The following PLA2G4E variants were observed in gnomAD, a reference collection of about 807,000 sequenced individuals.
PLA2G4E encodes phospholipase A2 group IVE.
A neutral mutation model predicts 109.1 loss-of-function variants in PLA2G4E; 84 were observed. The observed-to-expected ratio is 0.77, with a 90% CI of 0.65 to 0.92. The LOEUF is 0.92. Ranked by LOEUF, PLA2G4E falls within the 40% of genes least tolerant of loss-of-function variation. The pLI, the probability that PLA2G4E is intolerant of heterozygous loss-of-function variation, is 0.00. For synonymous variants in PLA2G4E, 469 were observed against 436.1 expected (o/e 1.08, Z -0.94); for missense variants, 1,057 against 1,076.6 (o/e 0.98, Z 0.25).
At chr15:42,007,962 A>T in intron 2 of PLA2G4E, 97 bp from the exon 3 acceptor site, 1 of 1,341,726 alleles carries the variant, frequency 7.5e-7, no homozygotes, top group Non-Finnish European at 1.0e-6. Flanking sequence ...GCCAGGCCCC[A>T]TCTCAGCTCC....
intron 1 of PLA2G4E, among the ~76,000 whole-genome samples, chr15:42,047,415 A>G (rs1889433810): frequency 6.6e-6 from 1 of 152,134 alleles, no homozygotes; most frequent in Non-Finnish European, 1.5e-5. Flanking sequence ...AACAGGGTGC[A>G]GAACTCACTT....
At chr15:41,994,248 T>G (rs1026995744) in intron 12 of PLA2G4E, among the ~76,000 whole-genome samples, 3 of 152,248 alleles carry the variant, frequency 2.0e-5, no homozygotes, top group Admixed American at 2.0e-4. Context: ...ACTCCAGTGC[T>G]TAGCAAGAGG....
At chr15:42,025,121 G>C (rs562944205) in intron 1 of PLA2G4E, among the ~76,000 whole-genome samples, 77 of 151,652 alleles carry the variant, frequency 5.1e-4, no homozygotes, top group Non-Finnish European at 9.9e-4. Context: ...GCATGAATCC[G>C]GGAGGCGGAG....
intron 1 of PLA2G4E, among the ~76,000 whole-genome samples, chr15:42,018,811 A>G (rs1003327653): frequency 1.3e-5 from 2 of 152,158 alleles, no homozygotes; most frequent in African/African-American, 2.4e-5. Flanking sequence ...TTGCCAGCTC[A>G]TGTGGAAAAG....
At chr15:41,981,607 A>G (rs1289694858) in exon 20 of PLA2G4E, 6 of 152,230 alleles carry the variant, frequency 3.9e-5, no homozygotes, top group Non-Finnish European at 8.8e-5. Flanking sequence ...ATTTTATTCC[A>G]TGCACAAATA....
intron 1 of PLA2G4E, among the ~76,000 whole-genome samples, chr15:42,029,118 G>C (rs879931573): frequency 1.3e-5 from 2 of 152,064 alleles, no homozygotes; most frequent in Non-Finnish European, 2.9e-5. Flanking sequence ...TTTTGAGACA[G>C]TCTCGCTCTG....
At chr15:42,050,286 A>C (rs555104331) in intron 1 of PLA2G4E, among the ~76,000 whole-genome samples, 1 of 152,362 alleles carries the variant, frequency 6.6e-6, no homozygotes, top group South Asian at 2.1e-4. Flanking sequence ...ATATCAGTGC[A>C]TAGAATGCAC....
chr15:41,987,914 A>G, intron 16 of PLA2G4E, 135 bp downstream of exon 16: 1 of 556,240 alleles, frequency 1.8e-6, no homozygotes, highest in East Asian at 3.0e-5. Context: ...TCACCCAGCC[A>G]TGAGGGAAAG....
In PLA2G4E at chr15:42,005,981, T is replaced by C. The variant is rs369363999; in HGVS notation, c.525+9A>G. On this transcript the variant is annotated intron_variant, in intron 4 of 19. Coordinates refer to ENST00000399518, the Ensembl canonical transcript of PLA2G4E. Reference sequence around the variant, plus strand: ...AGCCGGAGTCTGAGGGCCTGTACCCTGCACCCACCTGCGGGTTGAGTGGAA... The same window carrying C: ...AGCCGGAGTCTGAGGGCCTGTACCCCGCACCCACCTGCGGGTTGAGTGGAA... 13 of 1,613,412 alleles carry C rather than the reference T, an allele frequency of 8.1e-6. No homozygotes were observed. In the African/African-American group the frequency reaches 1.6e-4, roughly 20 times the overall value.
intron 1 of PLA2G4E, among the ~76,000 whole-genome samples, chr15:42,016,163 G>A (rs1375991880): frequency 6.6e-6 from 1 of 151,756 alleles, no homozygotes; most frequent in Non-Finnish European, 1.5e-5. Flanking sequence ...TATTGGGATT[G>A]GGGGCAGGAG....
intron 16 of PLA2G4E, 136 bp from the exon 17 acceptor site, chr15:41,987,511 T>A (rs2068162447): frequency 6.5e-6 from 5 of 765,336 alleles, no homozygotes; most frequent in Non-Finnish European, 1.1e-5. Flanking sequence ...TGCTGGGCTC[T>A]CAAGGTCCTG....
chr15:42,050,203 C>T (rs1595582513), intron 1 of PLA2G4E, among the ~76,000 whole-genome samples: 1 of 152,192 alleles, frequency 6.6e-6, no homozygotes, highest in Non-Finnish European at 1.5e-5. Flanking sequence ...AGCTATGTGG[C>T]CTTGGGCAGG....
exon 18 of PLA2G4E, chr15:41,985,952 A>G: frequency 6.2e-7 from 1 of 1,606,090 alleles, no homozygotes; most frequent in African/African-American, 1.3e-5. Flanking sequence ...TCCAGCAGGC[A>G]CAGGTGGTTC....
intron 11 of PLA2G4E, among the ~76,000 whole-genome samples, chr15:41,996,573 GC>G (rs2068345415): frequency 2.6e-5 from 4 of 152,304 alleles, no homozygotes; most frequent in South Asian, 4.2e-4. Flanking sequence ...GCGAGTGTGG[GC>G]CTTGGTCCAC....
chr15:41,984,002 G>A (rs2068100630), intron 19 of PLA2G4E, 28 bp from the exon 20 acceptor site: 1 of 1,564,698 alleles, frequency 6.4e-7, no homozygotes, highest in South Asian at 1.2e-5. Flanking sequence ...ACTTGTTATA[G>A]ACTCTGTCAT....
intron 1 of PLA2G4E, among the ~76,000 whole-genome samples, chr15:42,037,634 C>T (rs1237062216): frequency 6.6e-6 from 1 of 152,162 alleles, no homozygotes; most frequent in African/African-American, 2.4e-5. Flanking sequence ...AGGGCTGAAA[C>T]ATGCCCCTTG....
intron 1 of PLA2G4E, among the ~76,000 whole-genome samples, chr15:42,033,306 C>T (rs558306563): frequency 7.8e-4 from 119 of 152,220 alleles, no homozygotes; most frequent in Admixed American, 1.2e-3. Context: ...CTTGCCCTGC[C>T]AGACAAGAAT....
chr15:42,049,203 G>C (rs1889467562), intron 1 of PLA2G4E, among the ~76,000 whole-genome samples: 1 of 152,178 alleles, frequency 6.6e-6, no homozygotes, highest in Non-Finnish European at 1.5e-5. Flanking sequence ...GGGAAACCCT[G>C]GGGCGGGGCT....
At chr15:41,989,724 G>A (rs907779887) in intron 14 of PLA2G4E, among the ~76,000 whole-genome samples, 172 bp from the exon 15 acceptor site, 1 of 152,216 alleles carries the variant, frequency 6.6e-6, no homozygotes, top group Non-Finnish European at 1.5e-5. Flanking sequence ...TTCTGCTGGT[G>A]TAGCAAGGGT....
Sources: gnomAD v4.1 joint callset for allele counts (sites outside exome capture counted in the v4.1 genomes callset) on GRCh38, gnomAD v4.1.1 for gene constraint, MANE v1.5 for transcripts, NCBI Gene and HGNC (gene_info 2026-07-23, HGNC 2026-07-21) for gene names.